The following TMPRSS11F variants were observed in gnomAD, a reference collection of about 807,000 sequenced individuals.
TMPRSS11F encodes transmembrane protease serine 11F.
Under a neutral mutation model 60.2 loss-of-function variants are expected in TMPRSS11F, and 47 were observed. That is an observed-to-expected ratio of 0.78 (90% CI 0.62 to 1.00). The LOEUF is 1.00. TMPRSS11F is among the 50% of genes least tolerant of loss of function. TMPRSS11F has a pLI of 0.00. For synonymous variants in TMPRSS11F, 166 were observed against 167.3 expected, an observed-to-expected ratio of 0.99 and a Z score of 0.06; for missense variants, 519 against 522.9, an observed-to-expected ratio of 0.99 and a Z score of 0.07.
intron 3 of TMPRSS11F, among the ~76,000 whole-genome samples, chr4:68,083,310 C>T (rs1166543795): frequency 1.3e-5 from 2 of 152,144 alleles, no homozygotes; most frequent in Admixed American, 6.5e-5. Flanking sequence ...GGCATGGTGC[C>T]AGTGATTAAA....
rs1223305019 is a variant in TMPRSS11F at position 68,053,704 on chromosome 4, T to C, written c.*205A>G. The C allele has an allele frequency of 4.5e-6, 2 of 446,796 alleles. No individual in the cohort carries two copies. The highest frequency in any genetic ancestry group is 7.9e-6 in the Non-Finnish European group (2 of 253,524). 27.7% of individuals were successfully genotyped at this position (446,796 alleles called of 1,614,324 possible). A position where few individuals can be genotyped will look rare whatever the true frequency, so the allele number is the denominator to read the frequency against. The stretch of plus-strand genomic sequence containing the variant: ...AGTAAGGAATAGGTGCTGTCTGTCA[T>C]TTGCTGTGTCTTCTTCCCTCATGGT... On this transcript the variant is annotated 3_prime_UTR_variant, in exon 10 of 10. Coordinates refer to ENST00000356291, the MANE Select transcript of TMPRSS11F (RefSeq NM_207407.2).
chr4:68,127,014 C>G (rs118139651), intron 1 of TMPRSS11F, among the ~76,000 whole-genome samples: 2 of 152,212 alleles, frequency 1.3e-5, no homozygotes, highest in African/African-American at 2.4e-5. Flanking sequence ...CACCATCAAG[C>G]TGCACTGGTC....
chr4:68,058,480 A>G (rs1381657839), intron 9 of TMPRSS11F, among the ~76,000 whole-genome samples: 2 of 152,256 alleles, frequency 1.3e-5, no homozygotes, highest in Non-Finnish European at 2.9e-5. Flanking sequence ...GAAGTTGAAA[A>G]AAGACTTTTT....
chr4:68,108,804 G>A (rs1233687500), intron 1 of TMPRSS11F, among the ~76,000 whole-genome samples: 1 of 152,178 alleles, frequency 6.6e-6, no homozygotes. Flanking sequence ...TTGATAAAGG[G>A]ACAGGCTTCC....
chr4:68,094,452 T>G, intron 2 of TMPRSS11F, among the ~76,000 whole-genome samples: 1 of 140,150 alleles, frequency 7.1e-6, no homozygotes, highest in South Asian at 2.4e-4. Context: ...TAAGGCTAGA[T>G]GACCAGTTAG....
At chr4:68,070,371 T>C (rs1723430912) in intron 5 of TMPRSS11F, among the ~76,000 whole-genome samples, 1 of 152,194 alleles carries the variant, frequency 6.6e-6, no homozygotes, top group Non-Finnish European at 1.5e-5. Context: ...CCATCACAGT[T>C]GGTGTTTACC....
chr4:68,068,515 G>T, intron 7 of TMPRSS11F, 103 bp downstream of exon 7: 1 of 946,580 alleles, frequency 1.1e-6, no homozygotes, highest in Non-Finnish European at 1.7e-6. Flanking sequence ...TACCCTGAAT[G>T]GAGCAAAGGT....
intron 8 of TMPRSS11F, chr4:68,062,302 A>T: frequency 2.3e-6 from 1 of 441,128 alleles, no homozygotes; most frequent in Non-Finnish European, 4.4e-6. Context: ...TTTCTGGAGG[A>T]CTGTTAGTTT....
chr4:68,070,051 C>T, intron 5 of TMPRSS11F, 44 bp from the exon 6 acceptor site: 1 of 1,547,324 alleles, frequency 6.5e-7, no homozygotes, highest in African/African-American at 1.4e-5. Flanking sequence ...AGAATATATT[C>T]CCATTTTCAT....
intron 8 of TMPRSS11F, chr4:68,062,089 G>A (rs1723192238): frequency 2.2e-6 from 1 of 450,904 alleles, no homozygotes; most frequent in Admixed American, 2.4e-5. Flanking sequence ...AGGGTTGGAG[G>A]ACTACTTTTT....
rs989392169 is a variant in TMPRSS11F, at chr4:68,066,961, T to C, written c.755+1657A>G. 2.0e-5 allele frequency among the ~76,000 whole-genome samples: 3 copies of C among 151,668 alleles called. No individual in the cohort carries two copies. The South Asian group carries it at 6.2e-4, about 32-fold the overall frequency. On this transcript the variant is annotated intron_variant, in intron 7 of 9. Coordinates refer to ENST00000356291, the MANE Select transcript of TMPRSS11F (RefSeq NM_207407.2). ...AAAAAAAAAAAAAAAATTAAAGATG[T>C]GAATAATGCAATATTGTCTTCAAAG...
rs151198609 is a variant in TMPRSS11F, at chr4:68,061,712, A to C, written c.1016-2244T>G. 514 of 390,628 alleles carry C rather than the reference A, an allele frequency of 1.3e-3. 7 individuals are homozygous for C. In the East Asian group the frequency reaches 0.031, roughly 23 times the overall value. 24.2% of individuals were successfully genotyped at this position (390,628 alleles called of 1,614,324 possible). On this transcript the variant is annotated intron_variant, in intron 8 of 9. Coordinates refer to ENST00000356291, the MANE Select transcript of TMPRSS11F (RefSeq NM_207407.2). ...TTTTTGAAGAGTCAATCACTGAAAG[A>C]AATTTTAAAGTAAAGTCTTGCTCTA...
rs1464682417 is a variant in TMPRSS11F, at chr4:68,053,966, T to G, written c.1260A>C (p.Gly420=). The change falls in exon 10 of 10, where the codon GGA becomes GGC. Residue 420 remains glycine (G), a synonymous_variant. Coordinates refer to ENST00000356291, the MANE Select transcript of TMPRSS11F (RefSeq NM_207407.2). ...GATACTTAGTTACTCTGGTGTAGAC[T>G]CCAGGTTTTTTGGGAAGTGCACATG... The part of the protein sequence containing the change: ...GQSCALPKKP[G]VYTRVTKYRD... 5.6e-6 allele frequency: 9 copies of G among 1,613,050 alleles called. No individual in the cohort carries two copies. The highest frequency in any genetic ancestry group is 7.6e-6 in the Non-Finnish European group (9 of 1,179,448).
chr4:68,129,743 C>G lies in TMPRSS11F; in HGVS notation c.11+67G>C, dbSNP rs1271060923. On this transcript the variant is annotated intron_variant, in intron 1 of 9. Transcript: ENST00000356291. ...TCTCCACCAGCCAACATCTGTACTA[C>G]CTGTCTCAGGAATTGTAAACCTCTG... is the stretch of plus-strand genomic sequence containing the variant. 23 of 1,473,778 alleles carry G rather than the reference C, an allele frequency of 1.6e-5. No homozygotes were observed. The Admixed American group carries it at 2.3e-4, about 15-fold the overall frequency. The allele number at this position is 1,473,778 out of a possible 1,614,324, so 91.3% of individuals were successfully genotyped here.
At chr4:68,108,796 G>C (rs1002539321) in intron 1 of TMPRSS11F, among the ~76,000 whole-genome samples, 2 of 152,190 alleles carry the variant, frequency 1.3e-5, no homozygotes, top group Non-Finnish European at 2.9e-5. Context: ...GTTAGTCTTT[G>C]ATAAAGGGAC....
At chr4:68,056,042 A>C (rs1442971394) in intron 9 of TMPRSS11F, among the ~76,000 whole-genome samples, 3 of 152,194 alleles carry the variant, frequency 2.0e-5, no homozygotes, top group African/African-American at 7.2e-5. Flanking sequence ...TATGTCAAAC[A>C]CAATAAAAGC....
chr4:68,090,406 C>A lies in TMPRSS11F; in HGVS notation c.282+117G>T. The A allele has an allele frequency of 1.6e-5, 22 of 1,383,706 alleles. 1 individual carries two copies. The South Asian group carries it at 3.1e-4, about 19-fold the overall frequency. The allele number at this position is 1,383,706 out of a possible 1,614,324, so 85.7% of individuals were successfully genotyped here. ...TCCTCACAACTGTATGACTTACATA[C>A]TATAGTATCTCCATTATGCAAAAGA... is the stretch of plus-strand genomic sequence containing the variant. On this transcript the variant is annotated intron_variant, in intron 3 of 9. Coordinates refer to ENST00000356291, the MANE Select transcript of TMPRSS11F (RefSeq NM_207407.2).
intron 2 of TMPRSS11F, 124 bp downstream of exon 2, chr4:68,098,763 A>C: frequency 1.1e-6 from 1 of 882,802 alleles, no homozygotes; most frequent in Non-Finnish European, 1.7e-6. Flanking sequence ...ATAATTTAAC[A>C]TCAGTAAAAG....
chr4:68,111,230 C>T (rs1724405237), intron 1 of TMPRSS11F, among the ~76,000 whole-genome samples: 1 of 152,116 alleles, frequency 6.6e-6, no homozygotes, highest in Admixed American at 6.5e-5. Context: ...CTTCACCCAT[C>T]TCAGTTTTAT....
Sources: allele counts gnomAD v4.1 joint callset (sites outside exome capture counted in the v4.1 genomes callset), GRCh38; gene constraint gnomAD v4.1.1; transcripts MANE v1.5; gene names NCBI Gene and HGNC (gene_info 2026-07-23, HGNC 2026-07-21).